Variants in ST6GAL2 observed in about 807,000 individuals in gnomAD.
ST6GAL2 encodes beta-galactoside alpha-2,6-sialyltransferase 2.
Under a neutral mutation model 37.5 loss-of-function variants are expected in ST6GAL2, and 24 were observed. That is an observed-to-expected ratio of 0.64 (90% CI 0.46 to 0.90). The LOEUF (loss-of-function observed/expected upper bound fraction) is 0.90. ST6GAL2 is among the 40% of genes least tolerant of loss of function. The pLI is 0.00. For missense variants in ST6GAL2, 715 were observed against 712.7 expected (o/e 1.00, Z -0.04); for synonymous variants, 306 against 295.1 (o/e 1.04, Z -0.38).
intron 5 of ST6GAL2, chr2:106,823,192 A>G (rs1676070803): frequency 6.6e-6 from 1 of 152,144 alleles, no homozygotes; most frequent in Non-Finnish European, 1.5e-5. Context: ...TTGCAAACTA[A>G]GTATTTCTGT....
At chr2:106,877,242 C>T (rs1386626801) in intron 1 of ST6GAL2, among the ~76,000 whole-genome samples, 1 of 152,178 alleles carries the variant, frequency 6.6e-6, no homozygotes, top group African/African-American at 2.4e-5. Context: ...TGCAGACCTT[C>T]GATCCCAGAA....
intron 1 of ST6GAL2, among the ~76,000 whole-genome samples, chr2:106,883,513 T>C (rs1383966241): frequency 6.6e-6 from 1 of 152,204 alleles, no homozygotes; most frequent in Non-Finnish European, 1.5e-5. Context: ...CCTTCCACTT[T>C]CCAAAATTAG....
At chr2:106,846,987 T>C (rs538307746) in intron 1 of ST6GAL2, among the ~76,000 whole-genome samples, 1 of 152,292 alleles carries the variant, frequency 6.6e-6, no homozygotes, top group African/African-American at 2.4e-5. Context: ...AGATATTACA[T>C]GCAAATCCAT....
At chr2:106,867,718 C>T (rs538953167) in intron 1 of ST6GAL2, among the ~76,000 whole-genome samples, 3 of 152,200 alleles carry the variant, frequency 2.0e-5, no homozygotes, top group South Asian at 2.1e-4. Flanking sequence ...CGACCCCCGC[C>T]GCCAAAATGA....
intron 1 of ST6GAL2, among the ~76,000 whole-genome samples, chr2:106,849,721 G>A (rs2377690): frequency 0.1 from 15,526 of 152,050 alleles, 995 homozygotes; most frequent in Admixed American, 0.12. Flanking sequence ...CCTATGAGGC[G>A]TCATCTCTAT....
chr2:106,834,251 T>A, intron 2 of ST6GAL2, 105 bp from the exon 3 acceptor site: 1 of 740,996 alleles, frequency 1.3e-6, no homozygotes, highest in Admixed American at 2.2e-5. Context: ...TAATTATACA[T>A]CACCAATAAA....
Position 106,839,043 on chromosome 2 carries a change from C to CA in ST6GAL2, c.943+3991dup, listed in dbSNP as rs1205798797. 1.4e-4 allele frequency among the ~76,000 whole-genome samples: 20 copies of CA among 148,106 alleles called. No individual in the cohort carries two copies. The South Asian group carries it at 3.6e-3, about 27-fold the overall frequency. On this transcript the variant is annotated intron_variant, in intron 2 of 5. Transcript: ENST00000409382. ...AGCGGGAGACTCCATCTCAAAAAAG[C>CA]AAAAAAACAAACAAACAAAAAAAAC...
At chr2:106,881,276 C>T (rs550138784) in intron 1 of ST6GAL2, among the ~76,000 whole-genome samples, 17 of 152,268 alleles carry the variant, frequency 1.1e-4, no homozygotes, top group African/African-American at 3.9e-4. Context: ...GGCACTGCAC[C>T]AGGCCCATAC....
chr2:106,810,450 T>C (rs896326741), intron 5 of ST6GAL2, among the ~76,000 whole-genome samples: 2 of 152,176 alleles, frequency 1.3e-5, no homozygotes, highest in Admixed American at 6.5e-5. Flanking sequence ...GCCTATCAGA[T>C]AGAGATTTAG....
intron 1 of ST6GAL2, among the ~76,000 whole-genome samples, chr2:106,872,603 T>G (rs1005040771): frequency 4.6e-5 from 7 of 152,062 alleles, no homozygotes; most frequent in African/African-American, 1.7e-4. Flanking sequence ...TGTTATTTAT[T>G]TATTTATTTA....
At chr2:106,882,286 T>C (rs1573333002) in intron 1 of ST6GAL2, among the ~76,000 whole-genome samples, 1 of 152,196 alleles carries the variant, frequency 6.6e-6, no homozygotes, top group South Asian at 2.1e-4. Context: ...TGTTTTCCTC[T>C]GTTGAGGGGA....
At chr2:106,829,321 G>A (rs975201247) in intron 5 of ST6GAL2, among the ~76,000 whole-genome samples, 5 of 152,212 alleles carry the variant, frequency 3.3e-5, no homozygotes, top group African/African-American at 1.2e-4. Context: ...GAAACTGGCA[G>A]TGGCAGAGAA....
chr2:106,876,678 G>T (rs951286396), intron 1 of ST6GAL2, among the ~76,000 whole-genome samples: 2 of 152,048 alleles, frequency 1.3e-5, no homozygotes, highest in Admixed American at 6.6e-5. Flanking sequence ...TGGTTATATA[G>T]GTATATTCAA....
At chr2:106,878,536 A>T (rs1678603786) in intron 1 of ST6GAL2, among the ~76,000 whole-genome samples, 1 of 152,186 alleles carries the variant, frequency 6.6e-6, no homozygotes, top group Non-Finnish European at 1.5e-5. Flanking sequence ...CCAAGGTAGG[A>T]GGATCACTTG....
chr2:106,878,347 C>G (rs970540025), intron 1 of ST6GAL2, among the ~76,000 whole-genome samples: 1 of 151,576 alleles, frequency 6.6e-6, no homozygotes, highest in Non-Finnish European at 1.5e-5. Flanking sequence ...ACCTGTAATC[C>G]CAGTTACTCA....
chr2:106,886,786 G>T (rs1285667806), upstream of ST6GAL2: 1 of 151,874 alleles, frequency 6.6e-6, no homozygotes, highest in Non-Finnish European at 1.5e-5. Context: ...CCGCGCCCCC[G>T]GCCCGGCAGC....
Position 106,802,756 on chromosome 2 carries a change from A to G in ST6GAL2, c.*3922T>C, listed in dbSNP as rs1353023289. 6.6e-6 allele frequency: 1 copy of G among 152,178 alleles called. No individual in the cohort carries two copies. The highest frequency in any genetic ancestry group is 1.5e-5 in the Non-Finnish European group (1 of 68,046). 9.4% of individuals were successfully genotyped at this position (152,178 alleles called of 1,614,324 possible). ...GAATCAAAACAGACAATACAATAGA[A>G]CATACTTGGAAGCTACCTGGCCAAT... On this transcript the variant is annotated 3_prime_UTR_variant, in exon 6 of 6. Coordinates refer to ENST00000409382, the MANE Select transcript of ST6GAL2 (RefSeq NM_001142351.2).
intron 1 of ST6GAL2, among the ~76,000 whole-genome samples, chr2:106,853,421 C>T (rs1323199221): frequency 6.6e-6 from 1 of 152,204 alleles, no homozygotes. Context: ...ACAGTTCTGC[C>T]TTTGCTGTTG....
At chr2:106,869,746 G>T (rs955159377) in intron 1 of ST6GAL2, among the ~76,000 whole-genome samples, 25 of 152,202 alleles carry the variant, frequency 1.6e-4, no homozygotes. Flanking sequence ...GGGCATCCAA[G>T]TCTAATGTTT....
Sources: allele counts gnomAD v4.1 joint callset (sites outside exome capture counted in the v4.1 genomes callset), GRCh38; gene constraint gnomAD v4.1.1; transcripts MANE v1.5; gene names NCBI Gene and HGNC (gene_info 2026-07-23, HGNC 2026-07-21).